MOBP: variants seen among roughly 807,000 people sequenced by gnomAD.
The protein encoded by MOBP is myelin-associated oligodendrocyte basic protein.
A neutral mutation model predicts 15.0 loss-of-function variants in MOBP; 5 were observed. The observed-to-expected ratio is 0.33, with a 90% CI of 0.17 to 0.70. The LOEUF (loss-of-function observed/expected upper bound fraction) is 0.70. Among genes scored for constraint, MOBP ranks in the 30% least tolerant of loss-of-function variants. The probability of loss-of-function intolerance (pLI) is 0.67; values close to 1 mark genes in which losing one functional copy is unlikely to be tolerated. For missense variants in MOBP, 188 were observed against 257.8 expected (o/e 0.73, Z 1.85); for synonymous variants, 88 against 99.0 (o/e 0.89, Z 0.66).
At chr3:39,505,166 G>T (rs1236908644), downstream of MOBP, among the ~76,000 whole-genome samples, 1 of 152,240 alleles carries the variant, frequency 6.6e-6, no homozygotes, top group African/African-American at 2.4e-5. Flanking sequence ...TAACAGGTAT[G>T]TCCTGGGCCT....
chr3:39,522,184 A>G (rs1354223058), intron 3 of MOBP, among the ~76,000 whole-genome samples: 1 of 152,248 alleles, frequency 6.6e-6, no homozygotes, highest in Non-Finnish European at 1.5e-5. Context: ...CAAGGGAATG[A>G]AGGTCTCTAA....
At chr3:39,505,344 T>A (rs58141864), downstream of MOBP, among the ~76,000 whole-genome samples, 16,547 of 152,232 alleles carry the variant, frequency 0.11, 1,142 homozygotes, top group Middle Eastern at 0.18. Flanking sequence ...ATTATTAAAT[T>A]GAGCCCTGCA....
intron 2 of MOBP, among the ~76,000 whole-genome samples, chr3:39,494,796 C>CCCCCCCA (rs3036570): frequency 4.3e-5 from 5 of 117,478 alleles, no homozygotes; most frequent in Admixed American, 1.0e-4. Flanking sequence ...CCCCCCGCCC[C>CCCCCCCA]CCGAGTTACG....
At chr3:39,478,391 G>A (rs907911987) in intron 1 of MOBP, among the ~76,000 whole-genome samples, 1 of 152,174 alleles carries the variant, frequency 6.6e-6, no homozygotes, top group South Asian at 2.1e-4. Context: ...GTGTGTAGCA[G>A]GCTAAAGCAT....
At chr3:39,476,456 C>G (rs939523854) in intron 1 of MOBP, among the ~76,000 whole-genome samples, 8 of 152,196 alleles carry the variant, frequency 5.3e-5, no homozygotes, top group African/African-American at 1.2e-4. Context: ...ATTTCTGACT[C>G]CAATCTAGCA....
Position 39,470,992 on chromosome 3 carries a change from C to T in MOBP, c.-89+3252C>T, listed in dbSNP as rs2042461134. ...GAGAGCAAAGGGACAAGTGAAGGCACCCAGATGACCATCCATTGTTCAGGG... is the reference window on the plus strand; with the variant it reads ...GAGAGCAAAGGGACAAGTGAAGGCATCCAGATGACCATCCATTGTTCAGGG... On this transcript the variant is annotated intron_variant, in intron 1 of 3. Coordinates refer to ENST00000684792, the MANE Select transcript of MOBP (RefSeq NM_001393704.1). Among the ~76,000 whole-genome samples the T allele has an allele frequency of 2.0e-5, 3 of 152,258 alleles. No homozygotes were observed. The South Asian group carries it at 6.2e-4, about 32-fold the overall frequency.
chr3:39,506,643 C>T (rs1194423249), downstream of MOBP, among the ~76,000 whole-genome samples: 1 of 152,182 alleles, frequency 6.6e-6, no homozygotes, highest in Non-Finnish European at 1.5e-5. Flanking sequence ...AACGCTGCTT[C>T]AAGGATGGGG....
At chr3:39,520,537 A>AGT (rs5848515), downstream of MOBP, among the ~76,000 whole-genome samples, 6,400 of 144,654 alleles carry the variant, frequency 0.044, 320 homozygotes, top group African/African-American at 0.13. Context: ...TGTGTTCATG[A>AGT]GTGTGTGTGT....
chr3:39,478,210 C>T (rs1390524667), intron 1 of MOBP, among the ~76,000 whole-genome samples: 1 of 152,096 alleles, frequency 6.6e-6, no homozygotes, highest in Non-Finnish European at 1.5e-5. Flanking sequence ...TATAGCTGTA[C>T]CATTTTAAAT....
intron 1 of MOBP, among the ~76,000 whole-genome samples, chr3:39,479,810 C>CT (rs113326971): frequency 7.9e-4 from 116 of 147,002 alleles, no homozygotes; most frequent in African/African-American, 2.3e-3. Context: ...GGACATATAG[C>CT]TTTTTTTTTT....
chr3:39,502,875 T>A lies in MOBP; in HGVS notation c.547T>A (p.Trp183Arg). ...GTCCCCCGTCAAAGCTTCTAGGTTCTGGTAACACCATCTCTTCCCTTTTGT... is the reference window on the plus strand; with the variant it reads ...GTCCCCCGTCAAAGCTTCTAGGTTCAGGTAACACCATCTCTTCCCTTTTGT... ...GGSPVKASRFW is the reference protein window; with the variant it reads ...GGSPVKASRFR Residue 183 changes from tryptophan (W) to arginine (R), a missense_variant, in exon 4 of 4, where the codon TGG (tryptophan) becomes AGG (arginine). Physicochemically the swap from Trp to Arg is moderately radical, Grantham distance 101 (BLOSUM62 -3). This residue lies in a region of MOBP where 55 missense variants were observed against 45.2 expected (regional missense o/e 1.22). Coordinates refer to ENST00000684792, the MANE Select transcript of MOBP (RefSeq NM_001393704.1). The surrounding 1 kb of genome is among the most constrained non-coding windows in gnomAD (Gnocchi z 6.3). 8.0e-7 allele frequency: 1 copy of A among 1,256,704 alleles called. No individual in the cohort carries two copies. The highest frequency in any genetic ancestry group is 1.1e-6 in the Non-Finnish European group (1 of 917,086). 77.8% of individuals were successfully genotyped at this position (1,256,704 alleles called of 1,614,324 possible). A position where few individuals can be genotyped will look rare whatever the true frequency, so the allele number is the denominator to read the frequency against.
chr3:39,506,215 G>A (rs553178229), downstream of MOBP, among the ~76,000 whole-genome samples: 1 of 152,224 alleles, frequency 6.6e-6, no homozygotes, highest in Admixed American at 6.5e-5. Context: ...TTCACGTCTG[G>A]CCCTATCCTC....
At chr3:39,472,422 G>T (rs755621377) in intron 1 of MOBP, among the ~76,000 whole-genome samples, 1 of 152,004 alleles carries the variant, frequency 6.6e-6, no homozygotes, top group Non-Finnish European at 1.5e-5. Context: ...AAAATTTTGG[G>T]GTTCTGTACA....
At chr3:39,505,134 A>T (rs2043032036), downstream of MOBP, among the ~76,000 whole-genome samples, 1 of 152,198 alleles carries the variant, frequency 6.6e-6, no homozygotes, top group Non-Finnish European at 1.5e-5. Context: ...GGATTTCACA[A>T]GGTTGTCCTT....
At chr3:39,527,120 A>G (rs1005820659), downstream of MOBP, 7 of 152,082 alleles carry the variant, frequency 4.6e-5, no homozygotes, top group African/African-American at 1.4e-4. Flanking sequence ...TCTGGAGTTT[A>G]CCATTTGTCT....
At chr3:39,479,064 G>A (rs2042586540) in intron 1 of MOBP, among the ~76,000 whole-genome samples, 1 of 152,074 alleles carries the variant, frequency 6.6e-6, no homozygotes. Flanking sequence ...TCCTGACCTT[G>A]TGATCCACCC....
chr3:39,485,113 G>A (rs1447430164), intron 2 of MOBP, among the ~76,000 whole-genome samples: 2 of 152,180 alleles, frequency 1.3e-5, no homozygotes, highest in African/African-American at 2.4e-5. Context: ...ATAAATATGT[G>A]TATGAAATTT....
Position 39,491,274 on chromosome 3 carries a change from C to T in MOBP, c.-4-10792C>T, listed in dbSNP as rs143158410. 4.5e-4 allele frequency among the ~76,000 whole-genome samples: 69 copies of T among 152,240 alleles called. No homozygotes were observed. In the East Asian group the frequency reaches 0.013, roughly 28 times the overall value. ...ACAGTGTGGTACGGATTATAACAGA[C>T]AATTAATCTCACCGGTCACTCATAA... On this transcript the variant is annotated intron_variant, in intron 2 of 3. Coordinates refer to ENST00000684792, the MANE Select transcript of MOBP (RefSeq NM_001393704.1).
In MOBP at chr3:39,468,962, ATG is replaced by A. The variant is rs10589628; in HGVS notation, c.-89+1230_-89+1231del. ...TGTGTGTATATATACATATATACAT[ATG>A]TGTGTGTATATATACATATATACAT... On this transcript the variant is annotated intron_variant, in intron 1 of 3. Transcript: ENST00000684792. 3.1e-4 allele frequency among the ~76,000 whole-genome samples: 28 copies of A among 89,044 alleles called. 2 individuals carry two copies. Among genetic ancestry groups the A allele is most frequent in the Non-Finnish European group, 4.5e-4 (23 of 51,426 alleles). 58.4% of individuals were successfully genotyped at this position (89,044 alleles called of 152,430 possible).
Sources: gnomAD v4.1 joint callset for allele counts (sites outside exome capture counted in the v4.1 genomes callset) on GRCh38, gnomAD v4.1.1 for gene constraint, gnomAD v4.1.1 regional missense constraint, Gnocchi (gnomAD v3.1) non-coding constraint, MANE v1.5 for transcripts, NCBI Gene and HGNC (gene_info 2026-07-23, HGNC 2026-07-21) for gene names.